The following NLGN4X variants were observed in gnomAD, a reference collection of about 807,000 sequenced individuals.
NLGN4X encodes the protein neuroligin 4 X-linked, also known as neuroligin-4, X-linked.
In NLGN4X, 3 loss-of-function variants were observed where a neutral mutation model predicts 40.3. That is an observed-to-expected ratio of 0.07 (90% CI 0.03 to 0.19). NLGN4X has a LOEUF of 0.19. NLGN4X is among the 10% of genes least tolerant of loss of function. The pLI is 1.00. For missense variants in NLGN4X, 382 were observed against 708.3 expected, an observed-to-expected ratio of 0.54 and a Z score of 5.23; for synonymous variants, 270 against 306.8, an observed-to-expected ratio of 0.88 and a Z score of 1.25.
At chrX:6,160,049 A>C (rs755816308) in intron 1 of NLGN4X, among the ~76,000 whole-genome samples, 12 of 111,400 alleles carry the variant, frequency 1.1e-4, no homozygotes, top group Non-Finnish European at 1.9e-4. Context: ...ATGGGCACAA[A>C]AATATAGACA....
At chrX:6,210,025 CT>C in intron 1 of NLGN4X, among the ~76,000 whole-genome samples, 1 of 110,866 alleles carries the variant, frequency 9.0e-6, no homozygotes, top group East Asian at 2.9e-4. Context: ...TATTTTTTTT[CT>C]TTTTTTCTGT....
intron 3 of NLGN4X, among the ~76,000 whole-genome samples, chrX:5,992,494 G>A (rs1346308687): frequency 9.0e-6 from 1 of 111,233 alleles, no homozygotes; most frequent in Non-Finnish European, 1.9e-5. Context: ...CTAGCTACTC[G>A]GGAGGTTGAG....
At chrX:5,947,449 T>TG (rs1365815208) in intron 3 of NLGN4X, among the ~76,000 whole-genome samples, 2 of 111,951 alleles carry the variant, frequency 1.8e-5, no homozygotes, top group East Asian at 2.8e-4. Flanking sequence ...TCAGGAAATT[T>TG]GGGGGGAAAG....
intron 3 of NLGN4X, among the ~76,000 whole-genome samples, chrX:5,938,496 G>T (rs773008549): frequency 4.5e-5 from 5 of 111,058 alleles, no homozygotes; most frequent in Non-Finnish European, 9.4e-5. Flanking sequence ...GGTTGGCTTT[G>T]CTTTTGAGTT....
At chrX:6,094,204 G>T (rs1479301000) in intron 2 of NLGN4X, among the ~76,000 whole-genome samples, 1 of 111,341 alleles carries the variant, frequency 9.0e-6, no homozygotes, top group Non-Finnish European at 1.9e-5. Context: ...AAAATTTAAA[G>T]CCATAAATAC....
chrX:6,112,284 C>T (rs964630213), intron 2 of NLGN4X, among the ~76,000 whole-genome samples: 5 of 111,289 alleles, frequency 4.5e-5, no homozygotes, highest in African/African-American at 1.6e-4. Flanking sequence ...CACCTGCAGA[C>T]GTAATCCTTG....
intron 2 of NLGN4X, among the ~76,000 whole-genome samples, chrX:6,123,364 G>A (rs2039467595): frequency 8.9e-6 from 1 of 112,018 alleles, no homozygotes. Flanking sequence ...TTTATGTCCA[G>A]TGAAACTGTC....
At chrX:6,158,081 A>G (rs2040309053) in intron 1 of NLGN4X, among the ~76,000 whole-genome samples, 1 of 112,057 alleles carries the variant, frequency 8.9e-6, no homozygotes, top group South Asian at 3.7e-4. Flanking sequence ...TGTTTTCCAG[A>G]CACAATTTCT....
intron 3 of NLGN4X, among the ~76,000 whole-genome samples, chrX:5,993,498 C>T (rs1190761050): frequency 8.9e-6 from 1 of 111,919 alleles, no homozygotes; most frequent in Non-Finnish European, 1.9e-5. Flanking sequence ...TTCAAACTCA[C>T]TCTGACAACT....
intron 3 of NLGN4X, among the ~76,000 whole-genome samples, chrX:5,963,867 G>A (rs774553915): frequency 5.4e-5 from 6 of 111,895 alleles, no homozygotes; most frequent in Non-Finnish European, 9.4e-5. Context: ...TCAAATTATC[G>A]TTTCTCTCCT....
At chrX:6,012,995 A>G (rs2036294343) in intron 3 of NLGN4X, among the ~76,000 whole-genome samples, 1 of 111,694 alleles carries the variant, frequency 9.0e-6, no homozygotes, top group Admixed American at 9.5e-5. Context: ...GTGCCAGCCA[A>G]TTGCAAAATT....
intron 2 of NLGN4X, among the ~76,000 whole-genome samples, chrX:6,042,730 T>TACATACACACAC (rs1555956846): frequency 5.0e-5 from 1 of 20,168 alleles, no homozygotes; most frequent in Non-Finnish European, 9.1e-5. Context: ...TATATATATA[T>TACATACACACAC]ACACACACAC....
chrX:5,966,563 C>T (rs185955778), intron 3 of NLGN4X, among the ~76,000 whole-genome samples: 18 of 112,355 alleles, frequency 1.6e-4, no homozygotes, highest in Admixed American at 1.4e-3. Flanking sequence ...AGTGTTTTAC[C>T]TCGTACCACT....
chrX:6,027,877 C>T (rs1430584790), intron 3 of NLGN4X, among the ~76,000 whole-genome samples: 1 of 106,985 alleles, frequency 9.3e-6, no homozygotes, highest in Non-Finnish European at 1.9e-5. Flanking sequence ...AGTGCAATGG[C>T]GCTATCTCTG....
At chrX:5,941,180 G>GTGTGTGTGTGTGTGTGT (rs1569143828) in intron 3 of NLGN4X, among the ~76,000 whole-genome samples, 2 of 58,625 alleles carry the variant, frequency 3.4e-5, no homozygotes, top group African/African-American at 5.8e-5. Flanking sequence ...TATGCTAGGG[G>GTGTGTGTGTGTGTGTGT]GTGTGTGTGT....
chrX:5,929,895 G>A (rs190067737), intron 3 of NLGN4X, among the ~76,000 whole-genome samples: 1 of 112,489 alleles, frequency 8.9e-6, no homozygotes, highest in Admixed American at 9.4e-5. Context: ...TGGAAAGTAT[G>A]ATTGAAGTAA....
intron 2 of NLGN4X, among the ~76,000 whole-genome samples, chrX:6,109,208 G>A (rs2039093232): frequency 9.0e-6 from 1 of 111,635 alleles, no homozygotes; most frequent in South Asian, 3.7e-4. Flanking sequence ...CAAGGTTACA[G>A]TGAGCTATGA....
intron 2 of NLGN4X, among the ~76,000 whole-genome samples, chrX:6,044,130 T>TAAATAAATAAATAAAC (rs1449108504): frequency 2.7e-5 from 3 of 110,155 alleles, no homozygotes; most frequent in Middle Eastern, 4.4e-3. Context: ...AATAAATAAA[T>TAAATAAATAAATAAAC]AAATAACAAA....
intron 2 of NLGN4X, among the ~76,000 whole-genome samples, chrX:6,137,879 C>T (rs1212636921): frequency 8.9e-6 from 1 of 112,169 alleles, no homozygotes; most frequent in Non-Finnish European, 1.9e-5. Context: ...AGGCAACCAG[C>T]TGCTTTCTCA....
Sources: allele counts gnomAD v4.1 joint callset (sites outside exome capture counted in the v4.1 genomes callset), GRCh38; gene constraint gnomAD v4.1.1; transcripts MANE v1.5; gene names NCBI Gene and HGNC (gene_info 2026-07-23, HGNC 2026-07-21).